EIF4E: variants seen among roughly 807,000 people sequenced by gnomAD.
EIF4E encodes the protein eukaryotic translation initiation factor 4E.
For synonymous variants in EIF4E, 71 were observed against 88.5 expected (o/e 0.80, Z 1.11); for missense variants, 113 against 265.6 (o/e 0.43, Z 3.99).
intron 3 of EIF4E, among the ~76,000 whole-genome samples, chr4:98,890,215 T>C (rs1257022101): frequency 6.6e-6 from 1 of 152,228 alleles, no homozygotes; most frequent in African/African-American, 2.4e-5. Context: ...ATAAATTTTA[T>C]ACCACAATCT....
chr4:98,918,380 G>GA (rs1016712663), intron 1 of EIF4E, among the ~76,000 whole-genome samples: 4 of 140,656 alleles, frequency 2.8e-5, no homozygotes, highest in African/African-American at 5.2e-5. Flanking sequence ...AAAAAAGAAA[G>GA]AAAAAAAAAT....
At chr4:98,914,361 CAAAAAAAAAAAAAAA>C (rs1159581783) in intron 1 of EIF4E, among the ~76,000 whole-genome samples, 2 of 34,830 alleles carry the variant, frequency 5.7e-5, no homozygotes, top group Admixed American at 5.3e-4. Flanking sequence ...GACTCCGTCT[CAAAAAAAAAAAAAAA>C]AAAAAAAAAA....
intron 1 of EIF4E, among the ~76,000 whole-genome samples, chr4:98,914,596 G>A (rs930167826): frequency 4.0e-5 from 6 of 151,864 alleles, no homozygotes; most frequent in African/African-American, 1.5e-4. Flanking sequence ...GTGACACTCT[G>A]GAAAAGACAA....
At chr4:98,910,321 T>G (rs961421366) in intron 1 of EIF4E, among the ~76,000 whole-genome samples, 1 of 152,172 alleles carries the variant, frequency 6.6e-6, no homozygotes, top group Non-Finnish European at 1.5e-5. Context: ...GAAAAAATTT[T>G]TTCATGTAAA....
chr4:98,920,686 C>CA (rs1011157182), intron 1 of EIF4E, among the ~76,000 whole-genome samples: 2 of 151,684 alleles, frequency 1.3e-5, no homozygotes, highest in African/African-American at 4.8e-5. Context: ...AGAAAAAAAA[C>CA]AAAAAATAAA....
chr4:98,903,658 C>T (rs1454966794), intron 1 of EIF4E, among the ~76,000 whole-genome samples: 1 of 152,058 alleles, frequency 6.6e-6, no homozygotes, highest in Non-Finnish European at 1.5e-5. Flanking sequence ...TTCTATTAGC[C>T]TATAAAGTCA....
intron 1 of EIF4E, among the ~76,000 whole-genome samples, chr4:98,922,553 C>CAA (rs1157510228): frequency 9.4e-5 from 7 of 74,158 alleles, no homozygotes; most frequent in Non-Finnish European, 1.4e-4. Context: ...GACGCTGTCT[C>CAA]AAAAAAAAAA....
At chr4:98,910,867 C>CT (rs1020743928) in intron 1 of EIF4E, among the ~76,000 whole-genome samples, 3 of 148,710 alleles carry the variant, frequency 2.0e-5, no homozygotes, top group African/African-American at 7.4e-5. Context: ...GTAGCTGGGA[C>CT]TACAGGCATG....
chr4:98,904,024 T>C (rs999266007), intron 1 of EIF4E, among the ~76,000 whole-genome samples: 27 of 152,180 alleles, frequency 1.8e-4, no homozygotes, highest in Non-Finnish European at 2.5e-4. Flanking sequence ...CTGCTGTAGA[T>C]GAGAAGTGGG....
intron 1 of EIF4E, 142 bp downstream of exon 1, chr4:98,928,953 C>T (rs1560660892): frequency 1.3e-6 from 2 of 1,578,548 alleles, no homozygotes; most frequent in South Asian, 1.2e-5. Context: ...CACTTGTCCG[C>T]GGGAGGTCAG....
intron 2 of EIF4E, among the ~76,000 whole-genome samples, chr4:98,893,223 G>A (rs1160632992): frequency 6.6e-6 from 1 of 152,196 alleles, no homozygotes. Flanking sequence ...TACAAAGAGT[G>A]GTAATCTTGC....
At chr4:98,899,897 CAT>C (rs1257847728) in intron 2 of EIF4E, among the ~76,000 whole-genome samples, 2 of 151,594 alleles carry the variant, frequency 1.3e-5, no homozygotes, top group African/African-American at 4.8e-5. Flanking sequence ...AGCCATAAAA[CAT>C]AGTATTTTTC....
chr4:98,910,724 T>C lies in EIF4E; in HGVS notation c.19-8742A>G, dbSNP rs149749521. On this transcript the variant is annotated intron_variant, in intron 1 of 6. Transcript: ENST00000450253. ...TCTTCAAATAAACAGTTTTAAAACT[T>C]GGATGGATTCTTTTTTTTTTTTTGA... 4.6e-3 allele frequency among the ~76,000 whole-genome samples: 692 copies of C among 150,774 alleles called. 8 individuals carry two copies. Among genetic ancestry groups the C allele is most frequent in the Admixed American group, 2.5e-3 (37 of 15,000 alleles).
At chr4:98,924,631 T>A (rs1323777846) in intron 1 of EIF4E, among the ~76,000 whole-genome samples, 7 of 152,106 alleles carry the variant, frequency 4.6e-5, no homozygotes, top group Non-Finnish European at 7.4e-5. Context: ...TCTTGCTCTG[T>A]CGCCCAGGCT....
rs543730589 is a variant in EIF4E, at chr4:98,891,457, T to C, written c.126-125A>G. 1.0e-5 allele frequency: 8 copies of C among 769,384 alleles called. No homozygotes were observed. In the South Asian group the frequency reaches 1.3e-4, roughly 12 times the overall value. 47.7% of individuals were successfully genotyped at this position (769,384 alleles called of 1,614,324 possible). Reference sequence around the variant, plus strand: ...CATCAACAGATGAATGAAAAATGTATATATACACACAATGGAATACTAAAA... The same window carrying C: ...CATCAACAGATGAATGAAAAATGTACATATACACACAATGGAATACTAAAA... On this transcript the variant is annotated intron_variant, in intron 2 of 6. Transcript: ENST00000450253.
At chr4:98,919,344 A>G (rs1185886494) in intron 1 of EIF4E, among the ~76,000 whole-genome samples, 1 of 147,082 alleles carries the variant, frequency 6.8e-6, no homozygotes, top group African/African-American at 2.5e-5. Flanking sequence ...AAAAAAAAAA[A>G]AACAAAAAAA....
At chr4:98,921,794 A>G (rs1181250713) in intron 1 of EIF4E, among the ~76,000 whole-genome samples, 1 of 152,246 alleles carries the variant, frequency 6.6e-6, no homozygotes, top group Non-Finnish European at 1.5e-5. Context: ...AAATGTACTA[A>G]AACTTTTTTC....
At chr4:98,911,571 G>GA (rs1310696517) in intron 1 of EIF4E, among the ~76,000 whole-genome samples, 2 of 143,744 alleles carry the variant, frequency 1.4e-5, no homozygotes, top group Non-Finnish European at 3.0e-5. Context: ...TGAGGCAGGA[G>GA]AATCGCTTGA....
At chr4:98,901,376 T>C (rs1237709024) in intron 2 of EIF4E, among the ~76,000 whole-genome samples, 1 of 152,172 alleles carries the variant, frequency 6.6e-6, no homozygotes, top group African/African-American at 2.4e-5. Context: ...TTTTGTATTT[T>C]TTAGTAGAGA....
Sources: allele counts gnomAD v4.1 joint callset (sites outside exome capture counted in the v4.1 genomes callset), GRCh38; gene constraint gnomAD v4.1.1; transcripts MANE v1.5; gene names NCBI Gene and HGNC (gene_info 2026-07-23, HGNC 2026-07-21).